GABRA3: variants seen among roughly 807,000 people sequenced by gnomAD.
The protein encoded by GABRA3 is gamma-aminobutyric acid type A receptor subunit alpha3, also known as gamma-aminobutyric acid receptor subunit alpha-3.
A neutral mutation model predicts 30.1 loss-of-function variants in GABRA3; 10 were observed. The observed-to-expected ratio is 0.33, with a 90% CI of 0.20 to 0.56. The LOEUF is 0.56. GABRA3 is among the 20% of genes least tolerant of loss of function. The pLI is 0.89. For missense variants in GABRA3, 233 were observed against 392.0 expected, an observed-to-expected ratio of 0.59 and a Z score of 3.42; for synonymous variants, 151 against 146.8, an observed-to-expected ratio of 1.03 and a Z score of -0.21.
intron 1 of GABRA3, among the ~76,000 whole-genome samples, chrX:152,431,077 A>G (rs1157022087): frequency 4.4e-5 from 5 of 112,377 alleles, no homozygotes; most frequent in Non-Finnish European, 9.4e-5. Context: ...CAACAGATGA[A>G]AAGAATATCC....
At chrX:152,340,120 C>T (rs183138086) in intron 3 of GABRA3, among the ~76,000 whole-genome samples, 4 of 111,712 alleles carry the variant, frequency 3.6e-5, no homozygotes, top group East Asian at 2.8e-4. Context: ...TTCTGCCTTC[C>T]TATGGATTGA....
Position 152,189,781 on chromosome X carries a change from C to T in GABRA3, c.1092G>A (p.Lys364=), listed in dbSNP as rs1412886878. The T allele has an allele frequency of 8.3e-7, 1 of 1,210,593 alleles. No homozygotes were observed. The highest frequency in any genetic ancestry group is 1.8e-5 in the South Asian group (1 of 56,824). The part of the protein sequence containing the change: ...IEFATVNYFT[K]RSWAWEGKKV... ...TCTTGCCTTCCCAAGCCCAACTCCG[C>T]TTGGTGAAATAGTTGACAGTGGCAA... Residue 364 remains lysine (K), a synonymous_variant, in exon 9 of 10, where the codon AAG becomes AAA. Coordinates refer to ENST00000370314, the MANE Select transcript of GABRA3 (RefSeq NM_000808.4).
At chrX:152,332,480 G>T (rs1456147007) in intron 3 of GABRA3, among the ~76,000 whole-genome samples, 1 of 112,362 alleles carries the variant, frequency 8.9e-6, no homozygotes, top group Non-Finnish European at 1.9e-5. Context: ...TACTTAGGTG[G>T]AAGAAAGGGA....
intron 2 of GABRA3, among the ~76,000 whole-genome samples, chrX:152,352,070 T>C (rs539294017): frequency 9.0e-6 from 1 of 111,409 alleles, no homozygotes; most frequent in South Asian, 3.8e-4. Flanking sequence ...ATAACAGATA[T>C]AATAATCAAG....
intron 5 of GABRA3, among the ~76,000 whole-genome samples, chrX:152,231,196 CAT>C (rs1173359510): frequency 7.8e-4 from 83 of 106,209 alleles, no homozygotes; most frequent in South Asian, 1.6e-3. Context: ...TATATATACA[CAT>C]ATATATGTAT....
chrX:152,250,349 T>A (rs753226682), intron 5 of GABRA3, among the ~76,000 whole-genome samples: 11 of 111,389 alleles, frequency 9.9e-5, no homozygotes, highest in East Asian at 2.8e-4. Flanking sequence ...ACTTTAAACA[T>A]AGTAAGCACT....
intron 3 of GABRA3, among the ~76,000 whole-genome samples, chrX:152,339,758 T>A (rs1940287656): frequency 9.0e-6 from 1 of 111,474 alleles, no homozygotes; most frequent in Non-Finnish European, 1.9e-5. Flanking sequence ...TTATAGACCA[T>A]CTCTTTCTCG....
chrX:152,230,684 C>A (rs977550006), intron 5 of GABRA3, among the ~76,000 whole-genome samples: 1 of 110,571 alleles, frequency 9.0e-6, no homozygotes, highest in Non-Finnish European at 1.9e-5. Context: ...GATTTTTGAC[C>A]AAGGTGCCAA....
intron 2 of GABRA3, among the ~76,000 whole-genome samples, chrX:152,355,746 A>G (rs1185314729): frequency 8.9e-6 from 1 of 112,013 alleles, no homozygotes; most frequent in African/African-American, 3.2e-5. Flanking sequence ...AATTGCTGAT[A>G]TTCAATCGTT....
chrX:152,224,686 C>T, intron 6 of GABRA3, 77 bp downstream of exon 6: 1 of 746,068 alleles, frequency 1.3e-6, no homozygotes, highest in Non-Finnish European at 2.0e-6. Context: ...TTGCAGTGGA[C>T]AGAATATAAT....
At chrX:152,232,162 A>C (rs1040193337) in intron 5 of GABRA3, among the ~76,000 whole-genome samples, 17 of 111,719 alleles carry the variant, frequency 1.5e-4, no homozygotes, top group African/African-American at 5.5e-4. Context: ...TATACTTCAA[A>C]AAGTTTTTAT....
At chrX:152,257,490 T>C (rs1207209047) in intron 4 of GABRA3, among the ~76,000 whole-genome samples, 1 of 113,014 alleles carries the variant, frequency 8.8e-6, no homozygotes, top group Non-Finnish European at 1.9e-5. Context: ...TTCCTTGCCA[T>C]AAGCTGGCCC....
intron 1 of GABRA3, among the ~76,000 whole-genome samples, chrX:152,377,183 A>T (rs1438664681): frequency 9.0e-6 from 1 of 111,688 alleles, no homozygotes; most frequent in Non-Finnish European, 1.9e-5. Flanking sequence ...GTATGTGGTC[A>T]TTCCATGATT....
rs886275947 is a variant in GABRA3 at position 152,406,722 on chromosome X, C to T, written c.-26-42126G>A. ...CCAGACAGAAAATCAAGAAAGAAAC[C>T]TCCAAGGTAATCAGCACAATAGACC... On this transcript the variant is annotated intron_variant, in intron 1 of 9. Coordinates refer to ENST00000370314, the MANE Select transcript of GABRA3 (RefSeq NM_000808.4). Among the ~76,000 whole-genome samples, 22 of 109,872 alleles carry T rather than the reference C, an allele frequency of 2.0e-4. No individual in the cohort carries two copies. In the East Asian group the frequency reaches 6.0e-3, roughly 30 times the overall value.
chrX:152,371,230 A>C (rs1358020281), intron 1 of GABRA3, among the ~76,000 whole-genome samples: 1 of 111,482 alleles, frequency 9.0e-6, no homozygotes, highest in Non-Finnish European at 1.9e-5. Flanking sequence ...CTCAAGAGAT[A>C]ATATTTTACT....
At chrX:152,185,551 A>C (rs1404947139) in intron 9 of GABRA3, among the ~76,000 whole-genome samples, 1 of 111,393 alleles carries the variant, frequency 9.0e-6, no homozygotes, top group African/African-American at 3.3e-5. Context: ...TTTATAAAAC[A>C]TCATGGAAGC....
intron 3 of GABRA3, among the ~76,000 whole-genome samples, chrX:152,329,325 T>C (rs1446087049): frequency 8.9e-6 from 1 of 111,820 alleles, no homozygotes; most frequent in Non-Finnish European, 1.9e-5. Flanking sequence ...ATGGCTTTCT[T>C]CACAGAATTG....
Position 152,307,565 on chromosome X carries a change from G to T in GABRA3, c.263-22830C>A, listed in dbSNP as rs756763385. ...GGAGAAGAGCAAAAATGGCAGACTA[G>T]ACATAGCCAGGAAGAGCTTCTCCCA... On this transcript the variant is annotated intron_variant, in intron 3 of 9. Transcript: ENST00000370314. 5.4e-5 allele frequency among the ~76,000 whole-genome samples: 6 copies of T among 111,685 alleles called. No homozygotes were observed. In the East Asian group the frequency reaches 1.7e-3, roughly 32 times the overall value.
chrX:152,241,012 A>G (rs1420768745), intron 5 of GABRA3, among the ~76,000 whole-genome samples: 1 of 108,112 alleles, frequency 9.2e-6, no homozygotes, highest in East Asian at 2.9e-4. Context: ...GTCATTCTCC[A>G]TCCAGCTTTG....
Sources: gnomAD v4.1 joint callset for allele counts (sites outside exome capture counted in the v4.1 genomes callset) on GRCh38, gnomAD v4.1.1 for gene constraint, MANE v1.5 for transcripts, NCBI Gene and HGNC (gene_info 2026-07-23, HGNC 2026-07-21) for gene names.